The following CPNE4 variants were observed in gnomAD, a reference collection of about 807,000 sequenced individuals.
CPNE4 encodes the protein copine 4, also known as copine-4.
CPNE4 carries 25 observed loss-of-function variants against 67.9 expected under a neutral mutation model. The observed-to-expected ratio is 0.37, with a 90% CI of 0.27 to 0.51. The LOEUF (loss-of-function observed/expected upper bound fraction) is 0.51. CPNE4 is among the 20% of genes least tolerant of loss of function. The pLI is 0.93. For synonymous variants in CPNE4, 242 were observed against 244.9 expected (o/e 0.99, Z 0.11); for missense variants, 464 against 690.8 (o/e 0.67, Z 3.68).
intron 8 of CPNE4, among the ~76,000 whole-genome samples, chr3:131,585,727 G>A (rs988093706): frequency 3.3e-5 from 5 of 152,110 alleles, no homozygotes; most frequent in African/African-American, 1.2e-4. Context: ...CATTGATTTA[G>A]CAGCTAAATA....
chr3:132,018,029 T>A (rs9834304), intron 1 of CPNE4, among the ~76,000 whole-genome samples: 45,392 of 151,914 alleles, frequency 0.3, 7,145 homozygotes, highest in African/African-American at 0.4. Context: ...CACAGGAAGG[T>A]TGGATGCCCA....
intron 1 of CPNE4, among the ~76,000 whole-genome samples, chr3:132,012,610 C>G (rs369183378): frequency 6.6e-6 from 1 of 152,062 alleles, no homozygotes; most frequent in African/African-American, 2.4e-5. Flanking sequence ...CCAAGAGGCT[C>G]CTGGGCAAAT....
chr3:131,636,517 C>T (rs1160598708), intron 7 of CPNE4, among the ~76,000 whole-genome samples: 2 of 152,182 alleles, frequency 1.3e-5, no homozygotes, highest in Non-Finnish European at 2.9e-5. Context: ...TGAGCTCAGA[C>T]ACTACTATCC....
chr3:131,572,012 T>C (rs1937362236), intron 10 of CPNE4, among the ~76,000 whole-genome samples: 1 of 152,096 alleles, frequency 6.6e-6, no homozygotes, highest in African/African-American at 2.4e-5. Flanking sequence ...ATCCAATTTG[T>C]TCTTTTTTCT....
At chr3:131,541,263 G>A (rs991920771) in intron 15 of CPNE4, among the ~76,000 whole-genome samples, 2 of 152,182 alleles carry the variant, frequency 1.3e-5, no homozygotes, top group Non-Finnish European at 2.9e-5. Flanking sequence ...ATGAATTCAA[G>A]ATGTCCTTCT....
chr3:131,677,318 A>T (rs1200312383), intron 6 of CPNE4, among the ~76,000 whole-genome samples: 5 of 151,926 alleles, frequency 3.3e-5, no homozygotes. Flanking sequence ...TTCCTTATAG[A>T]CGCTGGATAT....
At chr3:131,832,959 A>G (rs942955194) in intron 2 of CPNE4, among the ~76,000 whole-genome samples, 5 of 152,140 alleles carry the variant, frequency 3.3e-5, no homozygotes, top group African/African-American at 1.2e-4. Flanking sequence ...CTAATCCTCA[A>G]TGTGATAGTA....
At chr3:131,874,660 A>G (rs1583383129) in intron 2 of CPNE4, among the ~76,000 whole-genome samples, 1 of 152,254 alleles carries the variant, frequency 6.6e-6, no homozygotes, top group Non-Finnish European at 1.5e-5. Context: ...AATTTAAAAT[A>G]AAATGATGCT....
At chr3:132,035,783 G>A (rs1250020119), upstream of CPNE4, among the ~76,000 whole-genome samples, 1 of 152,178 alleles carries the variant, frequency 6.6e-6, no homozygotes. Flanking sequence ...CATTGGTATT[G>A]TCAGACTCAC....
intron 2 of CPNE4, among the ~76,000 whole-genome samples, chr3:131,788,151 A>G (rs1466553675): frequency 1.3e-5 from 2 of 152,116 alleles, no homozygotes; most frequent in Admixed American, 1.3e-4. Context: ...GTTTTCAGAC[A>G]TAATTTTTAA....
intron 7 of CPNE4, among the ~76,000 whole-genome samples, chr3:131,666,686 G>C (rs2080272043): frequency 6.6e-6 from 1 of 152,106 alleles, no homozygotes; most frequent in South Asian, 2.1e-4. Flanking sequence ...ATTCTTGCCA[G>C]AAAACAGACC....
chr3:131,552,404 A>G, intron 13 of CPNE4, 36 bp downstream of exon 13: 1 of 1,580,070 alleles, frequency 6.3e-7, no homozygotes, highest in Non-Finnish European at 8.7e-7. Context: ...AAAGGGAAGG[A>G]CTGTGACACT....
chr3:131,978,913 A>T (rs901733889), intron 1 of CPNE4, among the ~76,000 whole-genome samples: 18 of 152,002 alleles, frequency 1.2e-4, no homozygotes, highest in East Asian at 3.9e-4. Context: ...CAGTTTGAAG[A>T]ATTTTTTAGT....
At chr3:131,793,639 A>G (rs1167768053) in intron 2 of CPNE4, among the ~76,000 whole-genome samples, 1 of 152,144 alleles carries the variant, frequency 6.6e-6, no homozygotes, top group African/African-American at 2.4e-5. Context: ...TTTAAAACAC[A>G]CAGAATTTGT....
chr3:131,902,885 T>C (rs1009982488), intron 2 of CPNE4, among the ~76,000 whole-genome samples: 1 of 152,084 alleles, frequency 6.6e-6, no homozygotes, highest in Non-Finnish European at 1.5e-5. Context: ...AAAGATACTA[T>C]GTATTAAGAC....
chr3:131,989,488 A>T (rs2073128343), intron 1 of CPNE4, among the ~76,000 whole-genome samples: 1 of 87,780 alleles, frequency 1.1e-5, no homozygotes, highest in South Asian at 4.4e-4. Flanking sequence ...TGGCCAAAGA[A>T]TTGCGCAAGT....
At chr3:131,898,999 G>A (rs938874189) in intron 2 of CPNE4, among the ~76,000 whole-genome samples, 2 of 152,068 alleles carry the variant, frequency 1.3e-5, no homozygotes, top group African/African-American at 4.8e-5. Context: ...CATGCTGGGT[G>A]TTACCCATCC....
chr3:131,702,314 T>C (rs1219382315), intron 3 of CPNE4, among the ~76,000 whole-genome samples: 1 of 152,190 alleles, frequency 6.6e-6, no homozygotes, highest in African/African-American at 2.4e-5. Flanking sequence ...CCCCACTGTA[T>C]GCTAGACTTG....
chr3:131,614,048 T>C lies in CPNE4; in HGVS notation c.682-26466A>G, dbSNP rs1940001844. Among the ~76,000 whole-genome samples, 4 of 152,160 alleles carry C rather than the reference T, an allele frequency of 2.6e-5. No homozygotes were observed. In the South Asian group the frequency reaches 8.3e-4, roughly 32 times the overall value. ...CCAGCCCCGCATAGAGAAACATGAA[T>C]CCACCTTTAGGCAAATGAGTTGTCT... On this transcript the variant is annotated intron_variant, in intron 7 of 15. Coordinates refer to ENST00000429747, the MANE Select transcript of CPNE4 (RefSeq NM_130808.3).
Sources: allele counts gnomAD v4.1 joint callset (sites outside exome capture counted in the v4.1 genomes callset), GRCh38; gene constraint gnomAD v4.1.1; transcripts MANE v1.5; gene names NCBI Gene and HGNC (gene_info 2026-07-23, HGNC 2026-07-21).